The following PDLIM5 variants were observed in gnomAD, a reference collection of about 807,000 sequenced individuals.
PDLIM5 encodes the protein PDZ and LIM domain protein 5.
Under a neutral mutation model 64.2 loss-of-function variants are expected in PDLIM5, and 34 were observed. The ratio of observed to expected loss-of-function variants is 0.53; its 90% CI spans 0.40 to 0.71. The LOEUF is 0.71. PDLIM5 is among the 30% of genes least tolerant of loss of function. The pLI is 0.00. For synonymous variants in PDLIM5, 253 were observed against 269.1 expected (o/e 0.94, Z 0.59); for missense variants, 683 against 733.6 (o/e 0.93, Z 0.80).
At chr4:94,652,573 T>C (rs1741923632) in intron 9 of PDLIM5, among the ~76,000 whole-genome samples, 1 of 152,178 alleles carries the variant, frequency 6.6e-6, no homozygotes, top group Non-Finnish European at 1.5e-5. Flanking sequence ...AATAGGATTG[T>C]TATTTTATAA....
chr4:94,523,749 A>G lies in PDLIM5; in HGVS notation c.122A>G (p.Gln41Arg). The G allele has an allele frequency of 6.2e-7, 1 of 1,613,320 alleles. No homozygotes were observed. The highest frequency in any genetic ancestry group is 8.5e-7 in the Non-Finnish European group (1 of 1,179,344). The change falls in exon 3 of 13, where the codon CAG becomes CGG. Residue 41 changes from glutamine to arginine, a missense_variant. Coordinates refer to ENST00000317968, the MANE Select transcript of PDLIM5 (RefSeq NM_006457.5). ...SSLKDGGKAA[Q>R]ANVRIGDVVL... ...CTAAAAGATGGCGGCAAGGCAGCCC[A>G]GGCAAATGTAAGAATAGGCGATGTG... is the stretch of plus-strand genomic sequence containing the variant.
intron 2 of PDLIM5, among the ~76,000 whole-genome samples, chr4:94,492,298 T>A (rs1449668295): frequency 6.6e-6 from 1 of 151,952 alleles, no homozygotes; most frequent in Non-Finnish European, 1.5e-5. Flanking sequence ...CTCTTTTTTT[T>A]TTCTCTCCCC....
At chr4:94,495,220 TA>T (rs1327854951) in intron 2 of PDLIM5, among the ~76,000 whole-genome samples, 1 of 152,188 alleles carries the variant, frequency 6.6e-6, no homozygotes, top group Non-Finnish European at 1.5e-5. Context: ...AAAAGCTTGT[TA>T]ATTGTGATCA....
chr4:94,604,629 G>A (rs768363606), intron 7 of PDLIM5, among the ~76,000 whole-genome samples: 52 of 151,928 alleles, frequency 3.4e-4, no homozygotes, highest in Non-Finnish European at 7.1e-4. Context: ...GTGAGGCTCC[G>A]TCTCCAAAAA....
At chr4:94,560,354 G>A (rs962090621) in intron 3 of PDLIM5, among the ~76,000 whole-genome samples, 3 of 152,032 alleles carry the variant, frequency 2.0e-5, no homozygotes, top group Non-Finnish European at 2.9e-5. Flanking sequence ...GAACTTAGCG[G>A]TGATTTTATA....
chr4:94,482,815 G>T (rs1438390386), intron 2 of PDLIM5, among the ~76,000 whole-genome samples: 2 of 152,162 alleles, frequency 1.3e-5, no homozygotes, highest in Admixed American at 6.5e-5. Context: ...CTTGGGCCCA[G>T]GGGGTCAAGG....
chr4:94,624,789 G>T (rs137893868), intron 8 of PDLIM5, among the ~76,000 whole-genome samples: 1 of 152,272 alleles, frequency 6.6e-6, no homozygotes, highest in East Asian at 1.9e-4. Context: ...CTGTCTAGTG[G>T]CCCAGAGAGA....
At chr4:94,464,888 T>G (rs1041893366) in intron 2 of PDLIM5, among the ~76,000 whole-genome samples, 3 of 152,232 alleles carry the variant, frequency 2.0e-5, no homozygotes, top group Non-Finnish European at 4.4e-5. Context: ...CTTATTCTCC[T>G]TCAGGCTGGT....
intron 3 of PDLIM5, among the ~76,000 whole-genome samples, chr4:94,565,943 A>G (rs962984355): frequency 4.6e-5 from 7 of 152,222 alleles, no homozygotes; most frequent in Admixed American, 2.0e-4. Context: ...ATTATATACA[A>G]TGAGTAACTT....
intron 3 of PDLIM5, among the ~76,000 whole-genome samples, chr4:94,563,537 A>G (rs530074748): frequency 1.2e-4 from 19 of 152,314 alleles, no homozygotes; most frequent in African/African-American, 3.6e-4. Context: ...TTGTTTTCCT[A>G]ATAAGGCTGT....
chr4:94,548,453 C>T (rs943729721), intron 3 of PDLIM5, among the ~76,000 whole-genome samples: 1 of 152,158 alleles, frequency 6.6e-6, no homozygotes, highest in African/African-American at 2.4e-5. Flanking sequence ...CATTTTGCTT[C>T]ACCCTCTTAG....
At position 94,666,314 on chromosome 4, in the gene PDLIM5, A is replaced by G. The variant is rs758870042; in HGVS notation, c.*2247A>G. ...GGGGATAAAAGAATGGCAAGGGGTGACACAAAGTAGCAAACTGAATACTTC... is the reference window on the plus strand; with the variant it reads ...GGGGATAAAAGAATGGCAAGGGGTGGCACAAAGTAGCAAACTGAATACTTC... On this transcript the variant is annotated 3_prime_UTR_variant, in exon 13 of 13. Transcript: ENST00000317968. The G allele has an allele frequency of 3.5e-5, 11 of 318,042 alleles. No homozygotes were observed. The highest frequency in any genetic ancestry group is 6.4e-5 in the African/African-American group (3 of 46,806). 19.7% of individuals were successfully genotyped at this position (318,042 alleles called of 1,614,324 possible).
At chr4:94,589,563 A>G (rs1294200591) in intron 7 of PDLIM5, among the ~76,000 whole-genome samples, 1 of 152,164 alleles carries the variant, frequency 6.6e-6, no homozygotes, top group African/African-American at 2.4e-5. Flanking sequence ...AAAAATTATA[A>G]AAGCTTCTTG....
intron 3 of PDLIM5, among the ~76,000 whole-genome samples, chr4:94,571,182 A>G (rs1440369161): frequency 1.3e-5 from 2 of 152,218 alleles, no homozygotes; most frequent in Non-Finnish European, 2.9e-5. Context: ...TTTTTCCTAT[A>G]CATTATTCTA....
intron 8 of PDLIM5, among the ~76,000 whole-genome samples, chr4:94,622,333 A>G (rs1378133155): frequency 6.6e-6 from 1 of 152,194 alleles, no homozygotes; most frequent in South Asian, 2.1e-4. Context: ...ATACAAATGT[A>G]TGTATAAAAT....
chr4:94,567,236 G>A (rs1005890012), intron 3 of PDLIM5, among the ~76,000 whole-genome samples: 3 of 152,084 alleles, frequency 2.0e-5, no homozygotes, highest in Non-Finnish European at 4.4e-5. Flanking sequence ...CTCGTGATCT[G>A]CCCACCTTGG....
intron 2 of PDLIM5, among the ~76,000 whole-genome samples, chr4:94,490,195 T>G (rs62319389): frequency 0.15 from 22,330 of 151,928 alleles, 3,149 homozygotes; most frequent in African/African-American, 0.38. Flanking sequence ...ATAAACAATT[T>G]CAAAATAATG....
chr4:94,585,721 C>G lies in PDLIM5; in HGVS notation c.867C>G (p.Ile289Met). ...GCTCTTTCCGAATCCTTGCCCAGAT[C>G]ACTGGGACTGAACATTGTAAGTGAA... ...QSRSFRILAQ[I>M]TGTEHLKESE... Residue 289 changes from isoleucine to methionine, a missense_variant, in exon 6 of 13, where the codon ATC becomes ATG. Physicochemically the swap from Ile to Met is conservative, Grantham distance 10. Coordinates refer to ENST00000317968, the MANE Select transcript of PDLIM5 (RefSeq NM_006457.5). 1 of 1,613,168 alleles carries G rather than the reference C, an allele frequency of 6.2e-7. No homozygotes were observed. The highest frequency in any genetic ancestry group is 8.5e-7 in the Non-Finnish European group (1 of 1,179,230).
intron 2 of PDLIM5, among the ~76,000 whole-genome samples, chr4:94,507,055 C>T (rs182812608): frequency 6.6e-6 from 1 of 152,108 alleles, no homozygotes; most frequent in Non-Finnish European, 1.5e-5. Flanking sequence ...GGCTCTTGGG[C>T]TTTTGGCCAC....
Sources: allele counts gnomAD v4.1 joint callset (sites outside exome capture counted in the v4.1 genomes callset), GRCh38; gene constraint gnomAD v4.1.1; transcripts MANE v1.5; gene names NCBI Gene and HGNC (gene_info 2026-07-23, HGNC 2026-07-21).